The following RANBP17 variants were observed in gnomAD, a reference collection of about 807,000 sequenced individuals.
The protein encoded by RANBP17 is ran-binding protein 17.
RANBP17 carries 158 observed loss-of-function variants against 141.2 expected under a neutral mutation model. That is an observed-to-expected ratio of 1.12 (90% confidence interval 0.98 to 1.28). The LOEUF (loss-of-function observed/expected upper bound fraction) is 1.28, where lower values mean the gene tolerates loss of function less well. Ranked by LOEUF, RANBP17 falls within the 50% of genes most tolerant of loss-of-function variation. The pLI, the probability that RANBP17 is intolerant of heterozygous loss-of-function variation, is 0.00. For missense variants in RANBP17, 1,438 were observed against 1,290.7 expected, an observed-to-expected ratio of 1.11 and a Z score of -1.75; for synonymous variants, 430 against 450.0, an observed-to-expected ratio of 0.96 and a Z score of 0.56.
At chr5:171,293,729 C>G (rs2278255) in intron 25 of RANBP17, among the ~76,000 whole-genome samples, 154 bp from the exon 26 acceptor site, 8,464 of 152,226 alleles carry the variant, frequency 0.056, 299 homozygotes, top group East Asian at 0.11. Flanking sequence ...TACAGGCAGC[C>G]TTATAAGCTT....
Position 171,299,370 on chromosome 5 carries a change from GC to G in RANBP17, c.*513del. The stretch of plus-strand genomic sequence containing the variant: ...AGAACGAGCCTGGAAGCACTACAGA[GC>G]ATCCCACAGGACCACACGCAGGCCT... On this transcript the variant is annotated 3_prime_UTR_variant, in exon 28 of 28. Coordinates refer to ENST00000523189, the MANE Select transcript of RANBP17 (RefSeq NM_022897.5). 4.3e-6 allele frequency: 1 copy of G among 232,936 alleles called. No individual in the cohort carries two copies. The highest frequency in any genetic ancestry group is 8.5e-6 in the Non-Finnish European group (1 of 117,642). 14.4% of individuals were successfully genotyped at this position (232,936 alleles called of 1,614,324 possible).
intron 3 of RANBP17, among the ~76,000 whole-genome samples, chr5:170,884,461 TAAAAG>T (rs1399337948): frequency 6.6e-6 from 1 of 152,150 alleles, no homozygotes; most frequent in Admixed American, 6.6e-5. Flanking sequence ...TTTGGAAAAT[TAAAAG>T]AAAGATAAAA....
At chr5:171,291,604 A>G (rs1244306420) in intron 25 of RANBP17, among the ~76,000 whole-genome samples, 1 of 152,142 alleles carries the variant, frequency 6.6e-6, no homozygotes, top group East Asian at 1.9e-4. Context: ...CCCACCAGAG[A>G]TTTCATATGA....
chr5:171,298,159 A>G (rs1433885263), intron 27 of RANBP17, among the ~76,000 whole-genome samples: 1 of 152,148 alleles, frequency 6.6e-6, no homozygotes, highest in Non-Finnish European at 1.5e-5. Context: ...CACCCAGCCT[A>G]AATTCTCACT....
At chr5:171,268,244 C>A (rs1356159103) in intron 25 of RANBP17, among the ~76,000 whole-genome samples, 3 of 152,036 alleles carry the variant, frequency 2.0e-5, no homozygotes. Context: ...ATAGTGATGA[C>A]AAAGAAAGTA....
At chr5:171,082,411 G>C (rs1230526648) in intron 14 of RANBP17, among the ~76,000 whole-genome samples, 2 of 152,116 alleles carry the variant, frequency 1.3e-5, no homozygotes, top group African/African-American at 4.8e-5. Flanking sequence ...TGCTAAGCTT[G>C]TAAGAAACAT....
At chr5:171,257,918 CAACATGGAGA>C (rs1766010047) in intron 24 of RANBP17, among the ~76,000 whole-genome samples, 1 of 151,806 alleles carries the variant, frequency 6.6e-6, no homozygotes, top group Non-Finnish European at 1.5e-5. Context: ...CCAGCCTGAC[CAACATGGAGA>C]AACCCCGCCT....
intron 14 of RANBP17, among the ~76,000 whole-genome samples, chr5:170,975,688 C>T (rs1205090943): frequency 6.6e-6 from 1 of 152,152 alleles, no homozygotes; most frequent in Non-Finnish European, 1.5e-5. Context: ...AATTCTCTCC[C>T]AAAGGCCCTC....
chr5:171,103,592 C>G (rs1241164721), intron 14 of RANBP17, among the ~76,000 whole-genome samples: 1 of 152,124 alleles, frequency 6.6e-6, no homozygotes, highest in Non-Finnish European at 1.5e-5. Context: ...CTTCAGCCCC[C>G]TTTCCAGGGG....
At chr5:170,979,648 T>C (rs1777624568) in intron 14 of RANBP17, among the ~76,000 whole-genome samples, 1 of 152,208 alleles carries the variant, frequency 6.6e-6, no homozygotes, top group East Asian at 1.9e-4. Context: ...CTATCTTAAT[T>C]TGCCTGCTGC....
In RANBP17 at chr5:170,962,343, A is replaced by G. The variant is rs185802039; in HGVS notation, c.1575-5899A>G. Among the ~76,000 whole-genome samples, 158 of 152,328 alleles carry G rather than the reference A, an allele frequency of 1.0e-3. 2 individuals carry two copies. In the Middle Eastern group the frequency reaches 0.014, roughly 13 times the overall value. On this transcript the variant is annotated intron_variant, in intron 13 of 27. Coordinates refer to ENST00000523189, the MANE Select transcript of RANBP17 (RefSeq NM_022897.5). ...TTAGGCAAATGCAGATCACCAGCTT[A>G]AAATGAGTTGTAAAGGCACCCCAAC... is the stretch of plus-strand genomic sequence containing the variant.
At chr5:171,056,417 CAAAG>C (rs1783378017) in intron 14 of RANBP17, among the ~76,000 whole-genome samples, 2 of 151,944 alleles carry the variant, frequency 1.3e-5, no homozygotes, top group Admixed American at 1.3e-4. Context: ...ACATGATTGA[CAAAG>C]AAATTTTGTT....
chr5:171,051,682 G>C (rs370871791), intron 14 of RANBP17, among the ~76,000 whole-genome samples: 1 of 152,096 alleles, frequency 6.6e-6, no homozygotes, highest in African/African-American at 2.4e-5. Context: ...GCTCTTACAA[G>C]TAATGTTGCT....
chr5:171,240,626 CTT>C (rs1353859197), intron 22 of RANBP17, among the ~76,000 whole-genome samples: 2 of 149,666 alleles, frequency 1.3e-5, no homozygotes, highest in Non-Finnish European at 3.0e-5. Flanking sequence ...AATGAATAGT[CTT>C]AAGAGTACAA....
rs776860250 is a variant in RANBP17 at position 171,092,782 on chromosome 5, T to TA, written c.1711-77346dup. Among the ~76,000 whole-genome samples, 23 of 152,350 alleles carry TA rather than the reference T, an allele frequency of 1.5e-4. 1 individual carries two copies. In the East Asian group the frequency reaches 2.5e-3, roughly 17 times the overall value. On this transcript the variant is annotated intron_variant, in intron 14 of 27. Coordinates refer to ENST00000523189, the MANE Select transcript of RANBP17 (RefSeq NM_022897.5). The stretch of plus-strand genomic sequence containing the variant: ...AACACAGTTGTTATTCACCCCATAG[T>TA]AATGAAGAAACCTGTCCTGTGCACT...
chr5:170,983,648 G>C (rs1029444302), intron 14 of RANBP17, among the ~76,000 whole-genome samples: 3 of 152,160 alleles, frequency 2.0e-5, no homozygotes, highest in African/African-American at 7.2e-5. Flanking sequence ...ATATGGAGAG[G>C]AGTATGTCAG....
In RANBP17 at chr5:171,296,178, T is replaced by C. The variant is rs181252580; in HGVS notation, c.3170+164T>C. On this transcript the variant is annotated intron_variant, in intron 27 of 27. Coordinates refer to ENST00000523189, the MANE Select transcript of RANBP17 (RefSeq NM_022897.5). ...TCCATTCAGTAAATATTGTTGGTTA[T>C]TTGCTTTCCTCCAGGCGTCATACTA... Among the ~76,000 whole-genome samples the C allele has an allele frequency of 2.3e-3, 345 of 152,314 alleles. 1 individual carries two copies. The highest frequency in any genetic ancestry group is 8.0e-3 in the African/African-American group (333 of 41,562).
At chr5:171,128,154 T>C (rs1436636943) in intron 14 of RANBP17, among the ~76,000 whole-genome samples, 14 of 151,648 alleles carry the variant, frequency 9.2e-5, no homozygotes, top group Admixed American at 9.2e-4. Flanking sequence ...TGAGACTCCG[T>C]CTCAAAAAAA....
At chr5:171,152,146 C>T (rs966433584) in intron 14 of RANBP17, among the ~76,000 whole-genome samples, 1 of 151,898 alleles carries the variant, frequency 6.6e-6, no homozygotes, top group Non-Finnish European at 1.5e-5. Context: ...CAGTAGCTCA[C>T]TCACGCCTGT....
Sources: allele counts gnomAD v4.1 joint callset (sites outside exome capture counted in the v4.1 genomes callset), GRCh38; gene constraint gnomAD v4.1.1; transcripts MANE v1.5; gene names NCBI Gene and HGNC (gene_info 2026-07-23, HGNC 2026-07-21).